SPC25: variants seen among roughly 807,000 people sequenced by gnomAD.
The protein encoded by SPC25 is SPC25 component of NDC80 kinetochore complex.
Under a neutral mutation model 29.6 loss-of-function variants are expected in SPC25, and 22 were observed. That is an observed-to-expected ratio of 0.74 (90% CI 0.53 to 1.06). The LOEUF is 1.06. SPC25 is among the 50% of genes least tolerant of loss of function. The probability of loss-of-function intolerance (pLI) is 0.00; values close to 1 mark genes in which losing one functional copy is unlikely to be tolerated. For missense variants in SPC25, 230 were observed against 255.8 expected (o/e 0.90, Z 0.69); for synonymous variants, 91 against 90.4 (o/e 1.01, Z -0.04).
At chr2:168,887,424 A>C (rs1042844690) in intron 3 of SPC25, among the ~76,000 whole-genome samples, 3 of 148,918 alleles carry the variant, frequency 2.0e-5, no homozygotes, top group Non-Finnish European at 4.5e-5. Context: ...TCCATCTCAA[A>C]AAAAAAAAAA....
At chr2:168,888,444 A>G (rs1293467636) in intron 3 of SPC25, among the ~76,000 whole-genome samples, 2 of 151,926 alleles carry the variant, frequency 1.3e-5, no homozygotes, top group Non-Finnish European at 2.9e-5. Flanking sequence ...AGTCCCAGCT[A>G]CTTGGGAGGC....
intron 5 of SPC25, among the ~76,000 whole-genome samples, chr2:168,875,594 C>T (rs754469179): frequency 9.2e-5 from 14 of 152,016 alleles, no homozygotes; most frequent in Admixed American, 2.6e-4. Flanking sequence ...CATCAGACCA[C>T]GGTTGAACAT....
chr2:168,882,657 T>A (rs1209300646), intron 3 of SPC25, among the ~76,000 whole-genome samples: 1 of 152,118 alleles, frequency 6.6e-6, no homozygotes, highest in Non-Finnish European at 1.5e-5. Flanking sequence ...AACTCAGGTC[T>A]TGACTTCAAA....
intron 3 of SPC25, among the ~76,000 whole-genome samples, chr2:168,878,147 T>C (rs1448290430): frequency 1.3e-5 from 2 of 152,184 alleles, no homozygotes; most frequent in Non-Finnish European, 2.9e-5. Context: ...GTAAGCATAA[T>C]TCTAAAGCTA....
intron 3 of SPC25, among the ~76,000 whole-genome samples, chr2:168,887,989 A>C (rs1474507876): frequency 6.6e-6 from 1 of 152,240 alleles, no homozygotes; most frequent in Non-Finnish European, 1.5e-5. Context: ...CAAAAACACA[A>C]TACTAGAGGC....
downstream of SPC25, among the ~76,000 whole-genome samples, chr2:168,870,202 T>C (rs557775779): frequency 0.026 from 3,611 of 137,698 alleles, 103 homozygotes; most frequent in African/African-American, 0.084. Flanking sequence ...ATACAAAAAT[T>C]AATTCAAGAT....
downstream of SPC25, among the ~76,000 whole-genome samples, chr2:168,869,132 A>T (rs1391334478): frequency 6.6e-6 from 1 of 152,234 alleles, no homozygotes; most frequent in African/African-American, 2.4e-5. Flanking sequence ...TAGATGCGGA[A>T]AAGGCCTTTG....
chr2:168,875,151 T>A (rs1303320253), intron 5 of SPC25, among the ~76,000 whole-genome samples: 1 of 152,158 alleles, frequency 6.6e-6, no homozygotes, highest in Non-Finnish European at 1.5e-5. Flanking sequence ...CTCACTGGTT[T>A]ACAATAGTCC....
intron 3 of SPC25, among the ~76,000 whole-genome samples, chr2:168,882,296 G>C (rs1016514595): frequency 6.6e-6 from 1 of 152,160 alleles, no homozygotes; most frequent in African/African-American, 2.4e-5. Context: ...GCCCAAAGCT[G>C]TATTTGCTAG....
At chr2:168,884,107 G>A (rs1164200609) in intron 3 of SPC25, among the ~76,000 whole-genome samples, 1 of 152,082 alleles carries the variant, frequency 6.6e-6, no homozygotes, top group Non-Finnish European at 1.5e-5. Flanking sequence ...ATAGCAGGCT[G>A]TCTTATTCCC....
At chr2:168,869,826 T>C (rs1182657144), downstream of SPC25, among the ~76,000 whole-genome samples, 1 of 152,120 alleles carries the variant, frequency 6.6e-6, no homozygotes, top group Non-Finnish European at 1.5e-5. Context: ...AAGCTACCAA[T>C]GACTTTCTTC....
downstream of SPC25, among the ~76,000 whole-genome samples, chr2:168,870,191 T>C (rs1266747816): frequency 4.6e-5 from 7 of 151,308 alleles, no homozygotes; most frequent in Middle Eastern, 3.2e-3. Context: ...CCTTACACCT[T>C]ATACAAAAAT....
chr2:168,883,729 C>T (rs1192231788), intron 3 of SPC25, among the ~76,000 whole-genome samples: 1 of 151,534 alleles, frequency 6.6e-6, no homozygotes, highest in African/African-American at 2.4e-5. Flanking sequence ...TGATTTGTGG[C>T]CAATACAAAT....
At chr2:168,878,289 T>C (rs1023924743) in intron 3 of SPC25, among the ~76,000 whole-genome samples, 5 of 152,176 alleles carry the variant, frequency 3.3e-5, no homozygotes, top group African/African-American at 9.7e-5. Flanking sequence ...AGAGCAAATA[T>C]AGTTTATACC....
intron 6 of SPC25, among the ~76,000 whole-genome samples, chr2:168,872,159 G>A (rs899068778): frequency 2.0e-5 from 3 of 152,004 alleles, no homozygotes; most frequent in Non-Finnish European, 4.4e-5. Context: ...GTAGAGGCAG[G>A]GTTTCACCAT....
rs1212371040 is a variant in SPC25 at position 168,864,760 on chromosome 2, T to A, written n.419+8825A>T. On this transcript the variant is annotated intron_variant and non_coding_transcript_variant, in intron 4 of 4. Coordinates refer to the SPC25 transcript ENST00000479309. ...GTAAATCCTTGAAGCAGAACCTCCT[T>A]AAAACTCTTATCAATCGGGCTGAGG... is the stretch of plus-strand genomic sequence containing the variant. 3 of 1,561,102 alleles carry A rather than the reference T, an allele frequency of 1.9e-6. No homozygotes were observed. The African/African-American group carries it at 4.1e-5, about 21-fold the overall frequency.
At chr2:168,883,944 T>C (rs964938269) in intron 3 of SPC25, among the ~76,000 whole-genome samples, 2 of 152,124 alleles carry the variant, frequency 1.3e-5, no homozygotes, top group Non-Finnish European at 2.9e-5. Flanking sequence ...CTAATTTTTA[T>C]ATTTTTAGTG....
downstream of SPC25, among the ~76,000 whole-genome samples, chr2:168,867,409 C>A (rs1322363263): frequency 1.3e-5 from 2 of 152,196 alleles, no homozygotes; most frequent in African/African-American, 4.8e-5. Flanking sequence ...TGTAAATGGG[C>A]TAAATGCTCC....
At chr2:168,862,050 G>C in intron 4 of SPC25, 1 of 1,613,188 alleles carries the variant, frequency 6.2e-7, no homozygotes, top group Non-Finnish European at 8.5e-7. Context: ...TTGGAAAAGG[G>C]TAAGAATCAT....
Sources: gnomAD v4.1 joint callset for allele counts (sites outside exome capture counted in the v4.1 genomes callset) on GRCh38, gnomAD v4.1.1 for gene constraint, MANE v1.5 for transcripts, NCBI Gene and HGNC (gene_info 2026-07-23, HGNC 2026-07-21) for gene names.